CDH2: variants seen among roughly 807,000 people sequenced by gnomAD.
CDH2 encodes cadherin 2, also known as cadherin-2.
Under a neutral mutation model 92.0 loss-of-function variants are expected in CDH2, and 17 were observed. That is an observed-to-expected ratio of 0.18 (90% CI 0.13 to 0.28). The LOEUF (loss-of-function observed/expected upper bound fraction) is 0.28. CDH2 is among the 10% of genes least tolerant of loss of function. The probability of loss-of-function intolerance (pLI) is 1.00; values close to 1 mark genes in which losing one functional copy is unlikely to be tolerated. For synonymous variants in CDH2, 419 were observed against 415.9 expected (o/e 1.01, Z -0.09); for missense variants, 862 against 1,133.1 (o/e 0.76, Z 3.44).
intron 1 of CDH2, among the ~76,000 whole-genome samples, chr18:28,155,131 G>C (rs959269357): frequency 3.3e-5 from 5 of 152,244 alleles, no homozygotes; most frequent in African/African-American, 1.2e-4. Context: ...GTGGAAATAA[G>C]GGCAATAATG....
intron 15 of CDH2, among the ~76,000 whole-genome samples, chr18:27,958,846 G>A (rs2011323978): frequency 6.6e-6 from 1 of 152,056 alleles, no homozygotes; most frequent in South Asian, 2.1e-4. Flanking sequence ...GTTTTGTAAG[G>A]GGCTTTTCTC....
Position 27,951,700 on chromosome 18 carries a change from TAATAA to T in CDH2, c.*448_*452del, listed in dbSNP as rs1909463970. ...AATCTCATGGTCTCATCCCCCAAGA[TAATAA>T]AATCGCTCCATGAGTTTTTTTGTTT... On this transcript the variant is annotated 3_prime_UTR_variant, in exon 16 of 16. Transcript: ENST00000269141. 6.4e-6 allele frequency: 1 copy of T among 156,182 alleles called. No homozygotes were observed. The highest frequency in any genetic ancestry group is 1.4e-5 in the Non-Finnish European group (1 of 70,320). 9.7% of individuals were successfully genotyped at this position (156,182 alleles called of 1,614,324 possible).
intron 1 of CDH2, among the ~76,000 whole-genome samples, chr18:28,164,482 C>A (rs899443379): frequency 2.6e-5 from 4 of 152,172 alleles, no homozygotes; most frequent in Non-Finnish European, 5.9e-5. Flanking sequence ...CGTCAATAAA[C>A]CATCAGCACC....
At chr18:28,012,063 G>T in intron 3 of CDH2, 71 bp from the exon 4 acceptor site, 1 of 1,287,754 alleles carries the variant, frequency 7.8e-7, no homozygotes, top group Non-Finnish European at 1.1e-6. Flanking sequence ...CAATATTATT[G>T]AATACCTGAA....
At chr18:28,161,529 G>A (rs2016305912) in intron 1 of CDH2, among the ~76,000 whole-genome samples, 1 of 147,044 alleles carries the variant, frequency 6.8e-6, no homozygotes, top group African/African-American at 2.5e-5. Flanking sequence ...GCAGTGAGCC[G>A]AGACTGCATC....
At chr18:28,061,105 T>A in intron 2 of CDH2, among the ~76,000 whole-genome samples, 1 of 152,206 alleles carries the variant, frequency 6.6e-6, no homozygotes, top group East Asian at 1.9e-4. Flanking sequence ...AGTTAAAATT[T>A]CTGTGACATA....
At chr18:28,133,440 G>A (rs780120882) in intron 2 of CDH2, among the ~76,000 whole-genome samples, 28 of 151,754 alleles carry the variant, frequency 1.8e-4, no homozygotes, top group Admixed American at 3.3e-4. Context: ...AAAATTAGCC[G>A]GGTGTGGTGT....
intron 1 of CDH2, among the ~76,000 whole-genome samples, chr18:28,172,355 G>C (rs2016477912): frequency 6.6e-6 from 1 of 152,084 alleles, no homozygotes; most frequent in South Asian, 2.1e-4. Flanking sequence ...ACATGCAGAA[G>C]ATATAGCTCT....
At chr18:28,130,433 T>G (rs997161021) in intron 2 of CDH2, among the ~76,000 whole-genome samples, 4 of 152,244 alleles carry the variant, frequency 2.6e-5, no homozygotes, top group Non-Finnish European at 2.9e-5. Context: ...TCACATCTTG[T>G]GAAATACACA....
At chr18:28,030,315 T>C (rs1426075131) in intron 2 of CDH2, among the ~76,000 whole-genome samples, 1 of 152,010 alleles carries the variant, frequency 6.6e-6, no homozygotes, top group Non-Finnish European at 1.5e-5. Flanking sequence ...GTATTAAGTG[T>C]AAATTTTTTG....
intron 14 of CDH2, among the ~76,000 whole-genome samples, chr18:27,980,140 AAAC>A (rs2011995691): frequency 6.6e-6 from 1 of 152,196 alleles, no homozygotes; most frequent in South Asian, 2.1e-4. Context: ...CTGCCTTTAA[AAAC>A]CGTAAGGATA....
chr18:28,028,255 T>C (rs1282078747), intron 2 of CDH2, among the ~76,000 whole-genome samples: 2 of 152,076 alleles, frequency 1.3e-5, no homozygotes, highest in Non-Finnish European at 2.9e-5. Context: ...AGAACAAATG[T>C]GTCCCCTGAG....
At chr18:27,974,492 G>A (rs7240351) in intron 14 of CDH2, among the ~76,000 whole-genome samples, 52,101 of 152,044 alleles carry the variant, frequency 0.34, 10,016 homozygotes, top group Non-Finnish European at 0.44. Context: ...CATGGACTAC[G>A]TGTGAACAGA....
chr18:28,059,027 T>G (rs1034341102), intron 2 of CDH2, among the ~76,000 whole-genome samples: 1 of 152,332 alleles, frequency 6.6e-6, no homozygotes, highest in East Asian at 1.9e-4. Flanking sequence ...TGGTTTGATT[T>G]ATGGGGGCCC....
In CDH2 at chr18:28,110,262, AG is replaced by A. The variant is rs1333661098; in HGVS notation, c.172+37410del. Among the ~76,000 whole-genome samples the A allele has an allele frequency of 2.6e-5, 4 of 152,330 alleles. No individual in the cohort carries two copies. The East Asian group carries it at 7.7e-4, about 29-fold the overall frequency. On this transcript the variant is annotated intron_variant, in intron 2 of 15. Coordinates refer to ENST00000269141, the MANE Select transcript of CDH2 (RefSeq NM_001792.5). ...CAGCCAAAGACTAACATAACAAAACAGTGTCTCCCTACATGGGACCCTCTGT... is the reference window on the plus strand; with the variant it reads ...CAGCCAAAGACTAACATAACAAAACATGTCTCCCTACATGGGACCCTCTGT...
intron 15 of CDH2, among the ~76,000 whole-genome samples, chr18:27,961,226 C>G (rs1346280535): frequency 6.6e-6 from 1 of 151,374 alleles, no homozygotes; most frequent in Admixed American, 6.6e-5. Context: ...AGGGTGCATA[C>G]TTGAATGCCT....
chr18:28,066,409 G>A (rs1165892147), intron 2 of CDH2, among the ~76,000 whole-genome samples: 1 of 152,028 alleles, frequency 6.6e-6, no homozygotes, highest in Non-Finnish European at 1.5e-5. Context: ...ACAAGAGTTC[G>A]AACAAAGGCT....
chr18:27,956,623 G>A (rs922725579), intron 15 of CDH2, among the ~76,000 whole-genome samples: 1 of 152,130 alleles, frequency 6.6e-6, no homozygotes, highest in Non-Finnish European at 1.5e-5. Context: ...CTCCAGCACT[G>A]TTCCAGCTTC....
rs552512756 is a variant in CDH2, at chr18:27,984,085, T to G, written c.2209+915A>C. Among the ~76,000 whole-genome samples the G allele has an allele frequency of 6.6e-5, 10 of 152,314 alleles. No homozygotes were observed. In the South Asian group the frequency reaches 2.1e-3, roughly 32 times the overall value. ...GGATTATTAGTATAGCATGCAGGTT[T>G]CAAATTATAGCCAAAGTAGTCTCCA... On this transcript the variant is annotated intron_variant, in intron 13 of 15. Transcript: ENST00000269141.
Sources: allele counts gnomAD v4.1 joint callset (sites outside exome capture counted in the v4.1 genomes callset), GRCh38; gene constraint gnomAD v4.1.1; transcripts MANE v1.5; gene names NCBI Gene and HGNC (gene_info 2026-07-23, HGNC 2026-07-21).